LRRC4C: variants seen among roughly 807,000 people sequenced by gnomAD.
LRRC4C encodes leucine rich repeat containing 4C.
LRRC4C carries 5 observed loss-of-function variants against 33.6 expected under a neutral mutation model. That is an observed-to-expected ratio of 0.15 (90% CI 0.08 to 0.31). LRRC4C has a LOEUF of 0.31. Ranked by LOEUF, LRRC4C falls within the 10% of genes least tolerant of loss-of-function variation. The probability of loss-of-function intolerance (pLI) is 1.00; values close to 1 mark genes in which losing one functional copy is unlikely to be tolerated. For missense variants in LRRC4C, 560 were observed against 796.7 expected (o/e 0.70, Z 3.58); for synonymous variants, 329 against 302.0 (o/e 1.09, Z -0.93).
intron 3 of LRRC4C, among the ~76,000 whole-genome samples, chr11:40,489,779 G>A (rs764693004): frequency 8.6e-5 from 13 of 152,040 alleles, no homozygotes; most frequent in Admixed American, 2.6e-4. Context: ...TATTACATTT[G>A]AAGATGAATG....
At chr11:40,389,345 G>T (rs1031431556) in intron 3 of LRRC4C, among the ~76,000 whole-genome samples, 3 of 152,030 alleles carry the variant, frequency 2.0e-5, no homozygotes, top group Admixed American at 1.3e-4. Context: ...TTCATACATC[G>T]CTGTAACTTG....
At chr11:41,240,633 A>C (rs981657769) in intron 1 of LRRC4C, among the ~76,000 whole-genome samples, 2 of 152,184 alleles carry the variant, frequency 1.3e-5, no homozygotes, top group Non-Finnish European at 2.9e-5. Flanking sequence ...ACCGTTTTGC[A>C]TAAGTGGATT....
Position 40,936,014 on chromosome 11 carries a change from TTATATATATATA to T in LRRC4C, c.-495-2303_-495-2292del, listed in dbSNP as rs56879078. Among the ~76,000 whole-genome samples the T allele has an allele frequency of 2.0e-3, 97 of 49,298 alleles. 1 individual carries two copies. The highest frequency in any genetic ancestry group is 3.9e-3 in the African/African-American group (67 of 17,162). 32.3% of individuals were successfully genotyped at this position (49,298 alleles called of 152,430 possible). ...AAAACTACTAAAAAGATGCCAAATT[TTATATATATATA>T]TATATATATATATATATATATATAT... On this transcript the variant is annotated intron_variant, in intron 1 of 6. Coordinates refer to ENST00000528697, the MANE Select transcript of LRRC4C (RefSeq NM_001258419.2).
chr11:40,528,629 T>G (rs1307068106), intron 3 of LRRC4C, among the ~76,000 whole-genome samples: 1 of 152,088 alleles, frequency 6.6e-6, no homozygotes, highest in Non-Finnish European at 1.5e-5. Context: ...ACAGCAATCT[T>G]AATTCTGAGT....
chr11:40,943,713 T>C (rs1958258808), intron 1 of LRRC4C, among the ~76,000 whole-genome samples: 1 of 152,208 alleles, frequency 6.6e-6, no homozygotes, highest in African/African-American at 2.4e-5. Context: ...ATCTCTCCTG[T>C]CGGGAGAGTC....
intron 4 of LRRC4C, among the ~76,000 whole-genome samples, chr11:40,255,709 G>A (rs1269323842): frequency 6.6e-6 from 1 of 152,138 alleles, no homozygotes; most frequent in East Asian, 1.9e-4. Context: ...TCCACCCCAT[G>A]CATGTCAATG....
rs116292872 is a variant in LRRC4C, at chr11:40,122,577, C to T, written c.-42-6243G>A. Among the ~76,000 whole-genome samples the T allele has an allele frequency of 4.0e-3, 602 of 152,276 alleles. 3 individuals are homozygous for T. The highest frequency in any genetic ancestry group is 0.014 in the African/African-American group (583 of 41,554). On this transcript the variant is annotated intron_variant, in intron 6 of 6. Transcript: ENST00000528697. The stretch of plus-strand genomic sequence containing the variant: ...AAATTCTGACCTAATCTTCACAGCT[C>T]CACTCACAGACAGTGCCAAACTTTG...
At chr11:40,513,949 C>A (rs959053965) in intron 3 of LRRC4C, among the ~76,000 whole-genome samples, 1 of 152,200 alleles carries the variant, frequency 6.6e-6, no homozygotes, top group Non-Finnish European at 1.5e-5. Flanking sequence ...AAAGAGCCAA[C>A]TGTCTCACCT....
At chr11:40,958,939 G>A (rs1266671118) in intron 1 of LRRC4C, among the ~76,000 whole-genome samples, 4 of 151,670 alleles carry the variant, frequency 2.6e-5, no homozygotes, top group African/African-American at 9.7e-5. Context: ...TCCTTAGGCA[G>A]GAATTATTTC....
At chr11:40,117,075 T>C (rs940335819) in intron 6 of LRRC4C, among the ~76,000 whole-genome samples, 3 of 152,182 alleles carry the variant, frequency 2.0e-5, no homozygotes, top group South Asian at 2.1e-4. Context: ...AATATCATCA[T>C]AGAAGTGACA....
chr11:40,762,565 T>G (rs1565028663), intron 2 of LRRC4C, among the ~76,000 whole-genome samples: 1 of 152,130 alleles, frequency 6.6e-6, no homozygotes, highest in Non-Finnish European at 1.5e-5. Context: ...TTTTCTTTTT[T>G]GAGTCTGTTC....
chr11:40,332,238 A>G (rs948399446), intron 3 of LRRC4C, among the ~76,000 whole-genome samples: 16 of 152,300 alleles, frequency 1.1e-4, no homozygotes, highest in Non-Finnish European at 2.1e-4. Context: ...AGTCTCTCTG[A>G]AGGCTCTATG....
At chr11:40,837,222 T>C (rs542811162) in intron 2 of LRRC4C, among the ~76,000 whole-genome samples, 5 of 152,294 alleles carry the variant, frequency 3.3e-5, no homozygotes, top group South Asian at 2.1e-4. Context: ...ATAACTTCTG[T>C]ACTAGTTAAT....
intron 1 of LRRC4C, among the ~76,000 whole-genome samples, chr11:41,294,169 A>G (rs1950072590): frequency 1.3e-5 from 2 of 152,232 alleles, no homozygotes; most frequent in Non-Finnish European, 2.9e-5. Context: ...ATGCTCAAGT[A>G]TCTACCCATT....
chr11:40,858,709 A>C (rs972329964), intron 2 of LRRC4C, among the ~76,000 whole-genome samples: 17 of 150,066 alleles, frequency 1.1e-4, no homozygotes, highest in Admixed American at 7.8e-4. Flanking sequence ...AAAAAAAAAA[A>C]AAAAAAAAAG....
intron 1 of LRRC4C, among the ~76,000 whole-genome samples, chr11:41,448,489 A>T (rs2138618955): frequency 6.6e-6 from 1 of 151,844 alleles, no homozygotes; most frequent in African/African-American, 2.4e-5. Flanking sequence ...TAGTTTTGGT[A>T]GAGATGGGGT....
At chr11:40,767,617 T>C (rs1949537465) in intron 2 of LRRC4C, among the ~76,000 whole-genome samples, 1 of 152,016 alleles carries the variant, frequency 6.6e-6, no homozygotes, top group Non-Finnish European at 1.5e-5. Context: ...TGAAATCATA[T>C]CAAGTATCTT....
rs923745363 is a variant in LRRC4C, at chr11:40,973,839, C to G, written c.-495-40116G>C. Among the ~76,000 whole-genome samples the G allele has an allele frequency of 4.6e-5, 7 of 151,496 alleles. No homozygotes were observed. In the East Asian group the frequency reaches 1.4e-3, roughly 29 times the overall value. ...GCCTTTTAATTTTATTCCCTTTTTTCAAGCAACTGTCTAGGTGGAATACTC... is the reference window on the plus strand; with the variant it reads ...GCCTTTTAATTTTATTCCCTTTTTTGAAGCAACTGTCTAGGTGGAATACTC... On this transcript the variant is annotated intron_variant, in intron 1 of 6. Coordinates refer to ENST00000528697, the MANE Select transcript of LRRC4C (RefSeq NM_001258419.2).
intron 3 of LRRC4C, among the ~76,000 whole-genome samples, chr11:40,431,884 T>C (rs755596607): frequency 3.3e-5 from 5 of 152,158 alleles, no homozygotes; most frequent in African/African-American, 4.8e-5. Context: ...CATTACACTA[T>C]CATAACTCGC....
Sources: allele counts gnomAD v4.1 joint callset (sites outside exome capture counted in the v4.1 genomes callset), GRCh38; gene constraint gnomAD v4.1.1; transcripts MANE v1.5; gene names NCBI Gene and HGNC (gene_info 2026-07-23, HGNC 2026-07-21).